The following TNIK variants were observed in gnomAD, a reference collection of about 807,000 sequenced individuals.
TNIK encodes the protein TRAF2 and NCK interacting kinase.
Under a neutral mutation model 191.3 loss-of-function variants are expected in TNIK, and 49 were observed. The ratio of observed to expected loss-of-function variants is 0.26; its 90% CI spans 0.20 to 0.32. The LOEUF (loss-of-function observed/expected upper bound fraction) is 0.32. Among genes scored for constraint, TNIK ranks in the 10% least tolerant of loss-of-function variants. The pLI is 1.00. For missense variants in TNIK, 1,155 were observed against 1,702.3 expected (o/e 0.68, Z 5.66); for synonymous variants, 594 against 600.9 (o/e 0.99, Z 0.17).
At chr3:171,277,729 A>G (rs1749930192) in intron 2 of TNIK, among the ~76,000 whole-genome samples, 1 of 152,216 alleles carries the variant, frequency 6.6e-6, no homozygotes, top group Non-Finnish European at 1.5e-5. Flanking sequence ...ACAACAGTAG[A>G]GTTGAGTAGT....
intron 18 of TNIK, among the ~76,000 whole-genome samples, chr3:171,120,321 TTC>T (rs1474786208): frequency 6.9e-6 from 1 of 144,662 alleles, no homozygotes; most frequent in Non-Finnish European, 1.5e-5. Context: ...TCTTTTTTCT[TTC>T]TTTTTTTTTT....
intron 1 of TNIK, among the ~76,000 whole-genome samples, chr3:171,451,674 A>T (rs1182390217): frequency 6.6e-6 from 1 of 152,178 alleles, no homozygotes; most frequent in Non-Finnish European, 1.5e-5. Context: ...AAACAGAAAA[A>T]AATCAGTGTG....
intron 21 of TNIK, among the ~76,000 whole-genome samples, chr3:171,105,154 C>A (rs923758982): frequency 8.5e-5 from 13 of 152,214 alleles, no homozygotes; most frequent in Admixed American, 6.5e-4. Context: ...TTTTTCATTT[C>A]AATCCCAGTT....
At chr3:171,374,289 TA>T (rs1404772159) in intron 1 of TNIK, among the ~76,000 whole-genome samples, 11 of 152,236 alleles carry the variant, frequency 7.2e-5, no homozygotes, top group African/African-American at 2.6e-4. Context: ...ATTCCCAGCT[TA>T]AAAAAATAAA....
chr3:171,402,220 C>T (rs1721038402), intron 1 of TNIK, among the ~76,000 whole-genome samples: 2 of 152,186 alleles, frequency 1.3e-5, no homozygotes, highest in South Asian at 2.1e-4. Context: ...CTTTAGAAAG[C>T]CCATGTGAGG....
intron 3 of TNIK, 54 bp downstream of exon 3, chr3:171,228,111 A>G (rs991759656): frequency 6.3e-7 from 1 of 1,594,868 alleles, no homozygotes; most frequent in Non-Finnish European, 8.6e-7. Context: ...TGAACTCATC[A>G]TAAGTCAAGG....
chr3:171,278,738 T>TAC (rs59752070), intron 2 of TNIK, among the ~76,000 whole-genome samples: 6,062 of 152,328 alleles, frequency 0.04, 359 homozygotes, highest in African/African-American at 0.14. Flanking sequence ...CAAACAATCA[T>TAC]ACCTCTTAGC....
At chr3:171,378,158 C>G (rs1023007572) in intron 1 of TNIK, among the ~76,000 whole-genome samples, 2 of 152,182 alleles carry the variant, frequency 1.3e-5, no homozygotes, top group African/African-American at 4.8e-5. Flanking sequence ...CAAACAGGCT[C>G]TCAGATTTCT....
intron 1 of TNIK, among the ~76,000 whole-genome samples, chr3:171,399,635 TA>T (rs1279426854): frequency 6.6e-6 from 1 of 152,164 alleles, no homozygotes; most frequent in African/African-American, 2.4e-5. Context: ...AAGAATTTTT[TA>T]TGGCAATAAA....
chr3:171,340,068 A>G (rs899573109), intron 2 of TNIK, among the ~76,000 whole-genome samples: 1 of 152,208 alleles, frequency 6.6e-6, no homozygotes, highest in African/African-American at 2.4e-5. Context: ...AGATACATAC[A>G]ATCTACTTCG....
chr3:171,120,500 T>C (rs977961050), intron 18 of TNIK, among the ~76,000 whole-genome samples: 2 of 152,124 alleles, frequency 1.3e-5, no homozygotes, highest in Non-Finnish European at 2.9e-5. Context: ...TTTGTATTTT[T>C]AGTAGAGACG....
intron 2 of TNIK, among the ~76,000 whole-genome samples, chr3:171,363,414 GC>G (rs1303432729): frequency 6.6e-6 from 1 of 152,158 alleles, no homozygotes; most frequent in Non-Finnish European, 1.5e-5. Context: ...TCCTCAGTTA[GC>G]TCTGCATTAT....
intron 1 of TNIK, among the ~76,000 whole-genome samples, chr3:171,411,816 G>A (rs973528637): frequency 1.3e-5 from 2 of 152,170 alleles, no homozygotes; most frequent in African/African-American, 4.8e-5. Flanking sequence ...AAATTACACC[G>A]AAGCTGATCC....
rs1717793055 is a variant in TNIK, at chr3:171,061,195, AATTT to A, written c.*2682_*2685del. ...GCTGGGGTCTGTCTTGCTGGAGGAA[AATTT>A]ATTTTTGAAGATAAAAGCTTCAGTG... On this transcript the variant is annotated 3_prime_UTR_variant, in exon 33 of 33. Coordinates refer to ENST00000436636, the MANE Select transcript of TNIK (RefSeq NM_015028.4). 2 of 152,134 alleles carry A rather than the reference AATTT, an allele frequency of 1.3e-5. No individual in the cohort carries two copies. Among genetic ancestry groups the A allele is most frequent in the Non-Finnish European group, 1.5e-5 (1 of 68,020 alleles). The allele number at this position is 152,134 out of a possible 1,614,324, so 9.4% of individuals were successfully genotyped here. A position where few individuals can be genotyped will look rare whatever the true frequency, so the allele number is the denominator to read the frequency against.
At chr3:171,228,600 T>C (rs968743632) in intron 2 of TNIK, among the ~76,000 whole-genome samples, 6 of 152,234 alleles carry the variant, frequency 3.9e-5, no homozygotes, top group African/African-American at 1.4e-4. Context: ...GAAGAAACTT[T>C]GGTTTCTTTC....
chr3:171,389,274 T>C (rs1560009994), intron 1 of TNIK, among the ~76,000 whole-genome samples: 1 of 145,134 alleles, frequency 6.9e-6, no homozygotes, highest in East Asian at 1.9e-4. Context: ...TACCAGAAAC[T>C]GTGTCCGTTG....
intron 3 of TNIK, among the ~76,000 whole-genome samples, chr3:171,220,961 G>A (rs1026892242): frequency 3.9e-5 from 6 of 152,048 alleles, no homozygotes; most frequent in East Asian, 3.9e-4. Context: ...ATGAACATGC[G>A]CAGAGACCCA....
chr3:171,282,884 T>C (rs1314293176), intron 2 of TNIK, among the ~76,000 whole-genome samples: 1 of 152,126 alleles, frequency 6.6e-6, no homozygotes, highest in East Asian at 1.9e-4. Flanking sequence ...ATCCTAATCT[T>C]ACAACAGACC....
At chr3:171,327,834 T>C (rs1755949783) in intron 2 of TNIK, among the ~76,000 whole-genome samples, 2 of 147,732 alleles carry the variant, frequency 1.4e-5, no homozygotes, top group African/African-American at 5.0e-5. Flanking sequence ...CTCCACTCCA[T>C]TGTTCTATAT....
Sources: gnomAD v4.1 joint callset for allele counts (sites outside exome capture counted in the v4.1 genomes callset) on GRCh38, gnomAD v4.1.1 for gene constraint, MANE v1.5 for transcripts, NCBI Gene and HGNC (gene_info 2026-07-23, HGNC 2026-07-21) for gene names.